Variants in LDB3 observed in about 807,000 individuals in gnomAD.
The protein encoded by LDB3 is LIM domain binding 3.
Under a neutral mutation model 69.0 loss-of-function variants are expected in LDB3, and 49 were observed. That is an observed-to-expected ratio of 0.71 (90% CI 0.56 to 0.90). The LOEUF is 0.90. LDB3 is among the 40% of genes least tolerant of loss of function. The pLI is 0.00. For synonymous variants in LDB3, 387 were observed against 396.2 expected (o/e 0.98, Z 0.28); for missense variants, 928 against 974.1 (o/e 0.95, Z 0.63).
chr10:86,716,548 G>A lies in LDB3; in HGVS notation c.1453G>A (p.Ala485Thr), dbSNP rs397517214. The change falls in exon 10 of 14, where the codon GCC (alanine) becomes ACC (threonine). Residue 485 changes from alanine to threonine, a missense_variant. By Grantham distance (58) the Ala-to-Thr change is moderately conservative. Transcript: ENST00000361373. ...CTACAGCGGGGGCCCTGCGGAGCCT[G>A]CCAGCCGTCCACCCTGGGTGACAGA... ...VAYSGGPAEP[A>T]SRPPWVTDDS... 6.2e-7 allele frequency: 1 copy of A among 1,613,342 alleles called. No individual in the cohort carries two copies. The highest frequency in any genetic ancestry group is 1.1e-5 in the South Asian group (1 of 91,044).
intron 5 of LDB3, among the ~76,000 whole-genome samples, chr10:86,690,677 C>T (rs1004768335): frequency 2.0e-5 from 3 of 152,250 alleles, no homozygotes; most frequent in Non-Finnish European, 4.4e-5. Context: ...AGTTTCCTCT[C>T]CCAGCCAGCC....
chr10:86,715,170 G>A (rs1846819017), intron 9 of LDB3, among the ~76,000 whole-genome samples: 1 of 152,186 alleles, frequency 6.6e-6, no homozygotes, highest in South Asian at 2.1e-4. Flanking sequence ...TATGGGGTGG[G>A]GGGCAGAGGC....
intron 9 of LDB3, among the ~76,000 whole-genome samples, chr10:86,715,460 G>C (rs1397330877): frequency 1.3e-5 from 2 of 152,186 alleles, no homozygotes; most frequent in African/African-American, 2.4e-5. Flanking sequence ...TGCTTTTTCT[G>C]TGCTGTGAGC....
rs1174341104 is a variant in LDB3, at chr10:86,706,735, G to A, written c.1085+16G>A. The A allele has an allele frequency of 6.2e-7, 1 of 1,604,126 alleles. No individual in the cohort carries two copies. The highest frequency in any genetic ancestry group is 8.5e-7 in the Non-Finnish European group (1 of 1,175,392). The stretch of plus-strand genomic sequence containing the variant: ...ACAGCCCAAGGTAACTGGGCCACAG[G>A]TGCTGGGCCTGACCCTGGGGAAGGG... On this transcript the variant is annotated intron_variant, in intron 8 of 13. Coordinates refer to ENST00000361373, the MANE Select transcript of LDB3 (RefSeq NM_007078.3).
At chr10:86,706,507 G>A in intron 7 of LDB3, 24 bp from the exon 8 acceptor site, 1 of 1,610,298 alleles carries the variant, frequency 6.2e-7, no homozygotes. Context: ...TTGACCTGTT[G>A]TCTTTTTGGT....
intron 5 of LDB3, chr10:86,687,014 C>A: frequency 1.3e-6 from 2 of 1,555,566 alleles, no homozygotes; most frequent in Non-Finnish European, 1.8e-6. Flanking sequence ...TAACCGCCAC[C>A]TGTTGCCCTT....
At chr10:86,732,416 A>C (rs1847500297) in intron 13 of LDB3, 1 of 438,786 alleles carries the variant, frequency 2.3e-6, no homozygotes, top group Non-Finnish European at 4.5e-6. Flanking sequence ...AGTCCAACTC[A>C]TGTACTCTGC....
rs534288904 is a variant in LDB3, at chr10:86,735,848, A to T, written c.*2872A>T. On this transcript the variant is annotated 3_prime_UTR_variant, in exon 14 of 14. Coordinates refer to ENST00000361373, the MANE Select transcript of LDB3 (RefSeq NM_007078.3). ...ATGGAGTGACTTATATCTGCAGCTT[A>T]TATCTGCAGTGTTTGTGTTAGGAAC... 1 of 150,908 alleles carries T rather than the reference A, an allele frequency of 6.6e-6. No homozygotes were observed. Among genetic ancestry groups the T allele is most frequent in the Non-Finnish European group, 1.5e-5 (1 of 67,816 alleles). 9.3% of individuals were successfully genotyped at this position (150,908 alleles called of 1,614,324 possible).
intron 10 of LDB3, among the ~76,000 whole-genome samples, 153 bp from the exon 11 acceptor site, chr10:86,717,811 A>T (rs1203568438): frequency 6.6e-6 from 1 of 152,262 alleles, no homozygotes; most frequent in South Asian, 2.1e-4. Context: ...ACCTTTCTGC[A>T]TGGAGCTTTC....
intron 5 of LDB3, among the ~76,000 whole-genome samples, chr10:86,685,457 G>A (rs1200957547): frequency 1.3e-5 from 2 of 152,204 alleles, no homozygotes; most frequent in South Asian, 2.1e-4. Context: ...CCTCAAGAGG[G>A]AAACATTGCT....
chr10:86,719,394 A>G (rs78925174), intron 12 of LDB3, among the ~76,000 whole-genome samples: 2 of 90,518 alleles, frequency 2.2e-5, no homozygotes, highest in Non-Finnish European at 4.6e-5. Context: ...CTGTATCTCA[A>G]AAAAAAAAAA....
chr10:86,709,794 T>C, intron 8 of LDB3, 111 bp from the exon 9 acceptor site: 2 of 1,162,556 alleles, frequency 1.7e-6, no homozygotes, highest in Non-Finnish European at 2.5e-6. Flanking sequence ...GAAATGTCTC[T>C]GTCAGGTGTC....
rs760563152 is a variant in LDB3, at chr10:86,718,841, G to A, written c.1972G>A (p.Glu658Lys). ...CATGGAAGACGGGGAGCCCTACTGC[G>A]AGAAAGGTAGGAACACTTCGATGGC... The part of the protein sequence containing the change: ...FHMEDGEPYC[E>K]KDYINLFSTK... Residue 658 changes from glutamate (E) to lysine (K), a missense_variant, in exon 12 of 14, where the codon GAG becomes AAG. Transcript: ENST00000361373. 5.9e-5 allele frequency: 96 copies of A among 1,613,958 alleles called. No individual in the cohort carries two copies. The highest frequency in any genetic ancestry group is 7.7e-5 in the South Asian group (7 of 91,084).
Position 86,722,307 on chromosome 10 carries a change from C to T in LDB3, c.1978+3460C>T, listed in dbSNP as rs532581187. On this transcript the variant is annotated intron_variant, in intron 12 of 13. Transcript: ENST00000361373. ...ACGGAGTCTCGCTCTGTTGCCCAGG[C>T]TGGAGTGCAGTGGCGCGATCTTGGC... is the stretch of plus-strand genomic sequence containing the variant. 1.5e-3 allele frequency among the ~76,000 whole-genome samples: 221 copies of T among 152,342 alleles called. 1 individual carries two copies. Among genetic ancestry groups the T allele is most frequent in the Middle Eastern group, 3.4e-3 (1 of 294 alleles).
intron 7 of LDB3, among the ~76,000 whole-genome samples, chr10:86,700,888 G>A (rs890960204): frequency 1.3e-5 from 2 of 152,226 alleles, no homozygotes; most frequent in African/African-American, 4.8e-5. Context: ...GAGAGTGGTG[G>A]CACTTACATT....
chr10:86,727,227 G>A (rs1373886945), intron 13 of LDB3, among the ~76,000 whole-genome samples: 2 of 151,886 alleles, frequency 1.3e-5, no homozygotes, highest in Non-Finnish European at 2.9e-5. Context: ...TCACCATGTT[G>A]GCCAGACTGG....
chr10:86,669,817 T>C (rs1176947287), intron 2 of LDB3, among the ~76,000 whole-genome samples: 1 of 152,110 alleles, frequency 6.6e-6, no homozygotes, highest in Non-Finnish European at 1.5e-5. Flanking sequence ...TGGAGGGTGG[T>C]AGGTAGGCAG....
intron 5 of LDB3, among the ~76,000 whole-genome samples, chr10:86,688,050 CGTGTGTGTGTGTGTGTGT>C (rs71487273): frequency 9.7e-6 from 1 of 102,894 alleles, no homozygotes; most frequent in Non-Finnish European, 2.0e-5. Context: ...CCCCGACCCT[CGTGTGTGTGTGTGTGTGT>C]GTGTGTGTGT....
intron 7 of LDB3, among the ~76,000 whole-genome samples, chr10:86,693,438 G>A (rs1194605725): frequency 6.6e-6 from 1 of 152,244 alleles, no homozygotes; most frequent in Non-Finnish European, 1.5e-5. Context: ...CTCCCATCCT[G>A]GGCCAAGCTT....
Sources: gnomAD v4.1 joint callset for allele counts (sites outside exome capture counted in the v4.1 genomes callset) on GRCh38, gnomAD v4.1.1 for gene constraint, MANE v1.5 for transcripts, NCBI Gene and HGNC (gene_info 2026-07-23, HGNC 2026-07-21) for gene names.